MLLT3: variants seen among roughly 807,000 people sequenced by gnomAD.
The protein encoded by MLLT3 is protein AF-9.
MLLT3 carries 4 observed loss-of-function variants against 53.2 expected under a neutral mutation model. The ratio of observed to expected loss-of-function variants is 0.08; its 90% CI spans 0.04 to 0.17. The LOEUF (loss-of-function observed/expected upper bound fraction) is 0.17, where lower values mean the gene tolerates loss of function less well. MLLT3 is among the 10% of genes least tolerant of loss of function. MLLT3 has a pLI of 1.00. For synonymous variants in MLLT3, 283 were observed against 230.6 expected, an observed-to-expected ratio of 1.23 and a Z score of -2.06; for missense variants, 569 against 684.0, an observed-to-expected ratio of 0.83 and a Z score of 1.87.
intron 5 of MLLT3, chr9:20,380,123 T>C (rs538508120): frequency 1.3e-5 from 2 of 152,170 alleles, no homozygotes; most frequent in African/African-American, 4.8e-5. Flanking sequence ...TTACGGCCTT[T>C]ATTCACTTGG....
rs558100164 is a variant in MLLT3, at chr9:20,519,795, C to T, written c.194-63009G>A. ...ATTGTGGAAGACAGTGTGGTGATTC[C>T]TGAAAGAACTAAAAACAGAATTACC... On this transcript the variant is annotated intron_variant, in intron 2 of 10. Transcript: ENST00000380338. Among the ~76,000 whole-genome samples, 3 of 152,204 alleles carry T rather than the reference C, an allele frequency of 2.0e-5. No homozygotes were observed. In the South Asian group the frequency reaches 6.2e-4, roughly 32 times the overall value.
chr9:20,593,147 A>G (rs1001195798), intron 2 of MLLT3, among the ~76,000 whole-genome samples: 1 of 152,220 alleles, frequency 6.6e-6, no homozygotes, highest in Non-Finnish European at 1.5e-5. Context: ...CCACAAGCAT[A>G]TTTAAAATAA....
intron 2 of MLLT3, 71 bp from the exon 3 acceptor site, chr9:20,456,857 A>C: frequency 8.2e-7 from 1 of 1,218,440 alleles, no homozygotes; most frequent in Non-Finnish European, 1.2e-6. Flanking sequence ...TTTAAAAAAA[A>C]AAATCCCATT....
At chr9:20,425,364 G>A (rs563458554) in intron 4 of MLLT3, among the ~76,000 whole-genome samples, 4 of 152,146 alleles carry the variant, frequency 2.6e-5, no homozygotes, top group South Asian at 2.1e-4. Context: ...CCAGAAAGTC[G>A]GAAGGAGGTT....
chr9:20,409,102 T>C (rs1822659550), intron 5 of MLLT3, among the ~76,000 whole-genome samples: 1 of 152,210 alleles, frequency 6.6e-6, no homozygotes, highest in Admixed American at 6.5e-5. Context: ...ATGTAACATT[T>C]TGCCAAATGT....
At chr9:20,515,112 A>G (rs1167363849) in intron 2 of MLLT3, among the ~76,000 whole-genome samples, 2 of 151,730 alleles carry the variant, frequency 1.3e-5, no homozygotes, top group Admixed American at 6.6e-5. Flanking sequence ...ACGCCCGGCT[A>G]ATTTTTTGTA....
chr9:20,524,430 G>A (rs1276429382), intron 2 of MLLT3, among the ~76,000 whole-genome samples: 1 of 151,886 alleles, frequency 6.6e-6, no homozygotes. Context: ...ATATTGAAAT[G>A]TTTCCACCAG....
At chr9:20,467,731 A>G (rs2118881986) in intron 2 of MLLT3, among the ~76,000 whole-genome samples, 1 of 152,376 alleles carries the variant, frequency 6.6e-6, no homozygotes, top group East Asian at 1.9e-4. Context: ...CAAAGAGAAC[A>G]GAGAATACAG....
At chr9:20,586,965 T>G (rs544498663) in intron 2 of MLLT3, among the ~76,000 whole-genome samples, 1 of 152,148 alleles carries the variant, frequency 6.6e-6, no homozygotes, top group Non-Finnish European at 1.5e-5. Context: ...AAAGCATGAT[T>G]CTTTCCTAAG....
intron 2 of MLLT3, among the ~76,000 whole-genome samples, chr9:20,577,803 T>A (rs1587090512): frequency 6.6e-6 from 1 of 152,234 alleles, no homozygotes; most frequent in South Asian, 2.1e-4. Context: ...AGCTAGGCTT[T>A]AGGGTCTTGA....
intron 2 of MLLT3, among the ~76,000 whole-genome samples, chr9:20,594,918 C>T (rs1820217572): frequency 6.6e-6 from 1 of 152,126 alleles, no homozygotes; most frequent in African/African-American, 2.4e-5. Context: ...CATGAATAAT[C>T]CACCCCTTGT....
intron 2 of MLLT3, among the ~76,000 whole-genome samples, chr9:20,564,333 G>C (rs1157659123): frequency 6.7e-6 from 1 of 149,612 alleles, no homozygotes; most frequent in Admixed American, 7.0e-5. Context: ...GGGAAAATGA[G>C]GAGACTTAGA....
In MLLT3 at chr9:20,422,217, C is replaced by T. The variant is rs575091695; in HGVS notation, c.421-7792G>A. Reference sequence around the variant, plus strand: ...AAAGGACAAAAAATATTTATACACACTCAAGAAAAAGAAAGGTCTCCTGTT... The same window carrying T: ...AAAGGACAAAAAATATTTATACACATTCAAGAAAAAGAAAGGTCTCCTGTT... On this transcript the variant is annotated intron_variant, in intron 4 of 10. Coordinates refer to ENST00000380338, the MANE Select transcript of MLLT3 (RefSeq NM_004529.4). 5.3e-4 allele frequency among the ~76,000 whole-genome samples: 80 copies of T among 152,254 alleles called. 1 individual carries two copies. The highest frequency in any genetic ancestry group is 4.3e-3 in the Admixed American group (66 of 15,300).
intron 4 of MLLT3, among the ~76,000 whole-genome samples, chr9:20,433,823 T>C (rs539146716): frequency 2.0e-4 from 30 of 151,898 alleles, no homozygotes; most frequent in Non-Finnish European, 2.9e-4. Flanking sequence ...GCTATCAAAA[T>C]AAAGGACAGG....
chr9:20,438,414 TTTAC>T (rs1823460877), intron 4 of MLLT3, among the ~76,000 whole-genome samples: 4 of 152,020 alleles, frequency 2.6e-5, no homozygotes, highest in Admixed American at 1.3e-4. Context: ...GTAGCAGCAC[TTTAC>T]TTATTTATTT....
At position 20,343,182 on chromosome 9, in the gene MLLT3, G is replaced by GC. The variant is rs1820778990; in HGVS notation, c.*3260dup. 2.2e-4 allele frequency: 3 copies of GC among 13,510 alleles called. No homozygotes were observed. The African/African-American group carries it at 4.7e-3, about 21-fold the overall frequency. 0.8% of individuals were successfully genotyped at this position (13,510 alleles called of 1,614,324 possible). On this transcript the variant is annotated 3_prime_UTR_variant, in exon 11 of 11. Transcript: ENST00000380338. ...TTAGGTGGGCCTGTAAAAGATATCG[G>GC]CAAAAAAAAAAAAAAAAAAAAAAAA...
intron 2 of MLLT3, among the ~76,000 whole-genome samples, chr9:20,522,964 AAAATAAATAAAT>A (rs543608557): frequency 5.1e-4 from 77 of 151,966 alleles, no homozygotes; most frequent in Non-Finnish European, 7.4e-4. Context: ...CCTGTCTTAA[AAAATAAATAAAT>A]AAATAAATAA....
chr9:20,345,318 A>G lies in MLLT3; in HGVS notation c.*1125T>C, dbSNP rs372203119. The G allele has an allele frequency of 1.7e-4, 36 of 211,660 alleles. 1 individual carries two copies. In the East Asian group the frequency reaches 2.1e-3, roughly 13 times the overall value. The allele number at this position is 211,660 out of a possible 1,614,324, so 13.1% of individuals were successfully genotyped here. ...CAAAGAAAGATTTTAATTTTTTCAA[A>G]TATAAAAGTGTCTAAGAGAATCATA... On this transcript the variant is annotated 3_prime_UTR_variant, in exon 11 of 11. Coordinates refer to ENST00000380338, the MANE Select transcript of MLLT3 (RefSeq NM_004529.4).
intron 2 of MLLT3, among the ~76,000 whole-genome samples, chr9:20,506,539 T>A (rs148684536): frequency 3.9e-5 from 6 of 152,310 alleles, no homozygotes; most frequent in African/African-American, 1.4e-4. Context: ...GCTGTTAGTA[T>A]AAGGATACAG....
Sources: gnomAD v4.1 joint callset for allele counts (sites outside exome capture counted in the v4.1 genomes callset) on GRCh38, gnomAD v4.1.1 for gene constraint, MANE v1.5 for transcripts, NCBI Gene and HGNC (gene_info 2026-07-23, HGNC 2026-07-21) for gene names.